Variants in TBC1D8 observed in about 807,000 individuals in gnomAD.
TBC1D8 encodes BUB2-like protein 1.
TBC1D8 carries 65 observed loss-of-function variants against 118.8 expected under a neutral mutation model. The ratio of observed to expected loss-of-function variants is 0.55; its 90% CI spans 0.45 to 0.67. The LOEUF is 0.67. TBC1D8 is among the 30% of genes least tolerant of loss of function. The pLI is 0.00. For missense variants in TBC1D8, 1,376 were observed against 1,471.2 expected, an observed-to-expected ratio of 0.94 and a Z score of 1.06; for synonymous variants, 566 against 595.8, an observed-to-expected ratio of 0.95 and a Z score of 0.73.
intron 19 of TBC1D8, among the ~76,000 whole-genome samples, chr2:101,010,572 G>A (rs1443708800): frequency 2.0e-5 from 3 of 152,004 alleles, no homozygotes; most frequent in African/African-American, 7.3e-5. Flanking sequence ...TTGATTCTCA[G>A]ATTAATCATC....
intron 15 of TBC1D8, among the ~76,000 whole-genome samples, chr2:101,025,857 G>T (rs534019257): frequency 6.6e-6 from 1 of 152,306 alleles, no homozygotes; most frequent in East Asian, 1.9e-4. Context: ...CATCCTACTT[G>T]CAGAGATAAA....
intron 3 of TBC1D8, among the ~76,000 whole-genome samples, chr2:101,056,802 G>A (rs530786691): frequency 2.0e-5 from 3 of 152,280 alleles, no homozygotes; most frequent in Non-Finnish European, 4.4e-5. Context: ...TGGCCGTGCT[G>A]ACCCCTGCCT....
intron 9 of TBC1D8, among the ~76,000 whole-genome samples, chr2:101,034,422 C>T (rs866399807): frequency 3.8e-4 from 58 of 152,154 alleles, no homozygotes; most frequent in African/African-American, 1.3e-3. Context: ...TATGACAAAG[C>T]GAAGGGGCCA....
intron 9 of TBC1D8, among the ~76,000 whole-genome samples, chr2:101,035,713 G>C: frequency 6.6e-6 from 1 of 152,282 alleles, no homozygotes; most frequent in East Asian, 1.9e-4. Context: ...CTTCCAGGGG[G>C]TTCTGAATAG....
Position 101,007,234 on chromosome 2 carries a change from CAAAAAGTTTCT to C in TBC1D8, c.*576_*586del, listed in dbSNP as rs1678787284. 2.0e-5 allele frequency: 3 copies of C among 152,404 alleles called. No homozygotes were observed. Among genetic ancestry groups the C allele is most frequent in the Admixed American group, 2.0e-4 (3 of 15,312 alleles). The allele number at this position is 152,404 out of a possible 1,614,324, so 9.4% of individuals were successfully genotyped here. ...GTAAAAGAAAAGGACCAAGTAAATA[CAAAAAGTTTCT>C]TATTAAAAAACTTGGAAGCCAACAT... On this transcript the variant is annotated 3_prime_UTR_variant, in exon 20 of 20. Transcript: ENST00000409318.
intron 1 of TBC1D8, among the ~76,000 whole-genome samples, chr2:101,127,575 T>C (rs1268913040): frequency 1.3e-5 from 2 of 152,164 alleles, no homozygotes; most frequent in African/African-American, 2.4e-5. Context: ...TATCACTCTG[T>C]TGCCCAGGCT....
chr2:101,019,196 A>G (rs1050667323), intron 17 of TBC1D8: 1 of 916,102 alleles, frequency 1.1e-6, no homozygotes, highest in Non-Finnish European at 1.6e-6. Flanking sequence ...CGGGGTTTCA[A>G]CAAGGTACTG....
intron 17 of TBC1D8, among the ~76,000 whole-genome samples, chr2:101,015,581 CA>C: frequency 6.6e-6 from 1 of 152,128 alleles, no homozygotes; most frequent in Non-Finnish European, 1.5e-5. Flanking sequence ...ATTTTTCTAT[CA>C]AAAAAATCTT....
At chr2:101,031,642 T>C (rs969228410) in intron 11 of TBC1D8, among the ~76,000 whole-genome samples, 2 of 152,164 alleles carry the variant, frequency 1.3e-5, no homozygotes, top group African/African-American at 2.4e-5. Context: ...CTCAACCACA[T>C]GAAAGTCAGG....
intron 1 of TBC1D8, among the ~76,000 whole-genome samples, chr2:101,118,975 A>G (rs1182542336): frequency 6.6e-6 from 1 of 151,784 alleles, no homozygotes; most frequent in Non-Finnish European, 1.5e-5. Flanking sequence ...ACACCACTAC[A>G]CTCCAGCCTG....
intron 16 of TBC1D8, among the ~76,000 whole-genome samples, 199 bp from the exon 17 acceptor site, chr2:101,021,945 A>T (rs1680053920): frequency 6.6e-6 from 1 of 152,152 alleles, no homozygotes; most frequent in Non-Finnish European, 1.5e-5. Flanking sequence ...GAACTTTGTG[A>T]ATGTTGTCTG....
intron 11 of TBC1D8, among the ~76,000 whole-genome samples, 165 bp downstream of exon 11, chr2:101,032,103 G>A (rs768131018): frequency 6.6e-6 from 1 of 152,224 alleles, no homozygotes; most frequent in Non-Finnish European, 1.5e-5. Flanking sequence ...ACTGTGCAGA[G>A]AATGTCCCGA....
chr2:101,133,945 T>A (rs1678711714), intron 1 of TBC1D8, among the ~76,000 whole-genome samples: 1 of 152,038 alleles, frequency 6.6e-6, no homozygotes, highest in Non-Finnish European at 1.5e-5. Flanking sequence ...CTAACACTTA[T>A]AAAACCATCA....
chr2:101,108,127 A>G (rs1677345376), intron 1 of TBC1D8, among the ~76,000 whole-genome samples: 1 of 152,036 alleles, frequency 6.6e-6, no homozygotes, highest in African/African-American at 2.4e-5. Flanking sequence ...TACCCTTGAT[A>G]TGAACTGATG....
chr2:101,084,311 G>A (rs1675455256), intron 2 of TBC1D8, among the ~76,000 whole-genome samples: 3 of 152,182 alleles, frequency 2.0e-5, no homozygotes, highest in South Asian at 2.1e-4. Context: ...CACTTTGGGA[G>A]GCAAAGGTGG....
At chr2:101,076,266 A>G (rs977185966) in intron 2 of TBC1D8, among the ~76,000 whole-genome samples, 5 of 152,214 alleles carry the variant, frequency 3.3e-5, no homozygotes, top group African/African-American at 1.2e-4. Flanking sequence ...CCACCATTTC[A>G]TGATCCATAG....
chr2:101,016,268 T>C (rs1186648069), intron 17 of TBC1D8, among the ~76,000 whole-genome samples: 2 of 152,142 alleles, frequency 1.3e-5, no homozygotes, highest in African/African-American at 4.8e-5. Flanking sequence ...GCAAAGGATA[T>C]GAACAGACAC....
chr2:101,148,934 G>C (rs1270567009), intron 1 of TBC1D8, among the ~76,000 whole-genome samples: 1 of 152,080 alleles, frequency 6.6e-6, no homozygotes, highest in African/African-American at 2.4e-5. Flanking sequence ...GTGTCCCATG[G>C]GTCTTGACTT....
At chr2:101,028,548 A>G (rs745710468) in intron 12 of TBC1D8, 116 bp from the exon 13 acceptor site, 138 of 1,397,142 alleles carry the variant, frequency 9.9e-5, no homozygotes, top group Non-Finnish European at 1.3e-4. Flanking sequence ...ACCTGGGAGG[A>G]GGGCAAGGCT....
Sources: gnomAD v4.1 joint callset for allele counts (sites outside exome capture counted in the v4.1 genomes callset) on GRCh38, gnomAD v4.1.1 for gene constraint, MANE v1.5 for transcripts, NCBI Gene and HGNC (gene_info 2026-07-23, HGNC 2026-07-21) for gene names.